PTK2: variants seen among roughly 807,000 people sequenced by gnomAD.
The protein encoded by PTK2 is focal adhesion kinase 1.
PTK2 carries 45 observed loss-of-function variants against 150.1 expected under a neutral mutation model. The ratio of observed to expected loss-of-function variants is 0.30; its 90% CI spans 0.24 to 0.38. PTK2 has a LOEUF of 0.38. PTK2 is among the 10% of genes least tolerant of loss of function. The pLI, the probability that PTK2 is intolerant of heterozygous loss-of-function variation, is 1.00. For missense variants in PTK2, 919 were observed against 1,307.3 expected, an observed-to-expected ratio of 0.70 and a Z score of 4.58; for synonymous variants, 432 against 449.2, an observed-to-expected ratio of 0.96 and a Z score of 0.48.
intron 10 of PTK2, among the ~76,000 whole-genome samples, chr8:140,806,399 T>C (rs1296249650): frequency 2.6e-5 from 4 of 152,160 alleles, no homozygotes; most frequent in Non-Finnish European, 5.9e-5. Flanking sequence ...TGCACGTACG[T>C]AACAGAGGAT....
At chr8:140,760,785 T>A (rs1022935668) in intron 16 of PTK2, among the ~76,000 whole-genome samples, 4 of 152,216 alleles carry the variant, frequency 2.6e-5, no homozygotes, top group Non-Finnish European at 5.9e-5. Context: ...AATTTATTCA[T>A]CTTTTTTGGA....
At chr8:140,752,717 T>C (rs2100063498) in intron 16 of PTK2, among the ~76,000 whole-genome samples, 1 of 152,204 alleles carries the variant, frequency 6.6e-6, no homozygotes, top group African/African-American at 2.4e-5. Context: ...GTAACCGTGT[T>C]ACAGAAAAGG....
At chr8:140,824,669 A>G (rs2100110813) in intron 8 of PTK2, among the ~76,000 whole-genome samples, 1 of 152,226 alleles carries the variant, frequency 6.6e-6, no homozygotes, top group South Asian at 2.1e-4. Context: ...TATCTTAGAA[A>G]GCATTAGTTC....
At chr8:140,732,561 A>C (rs774762345) in intron 22 of PTK2, 1 of 529,864 alleles carries the variant, frequency 1.9e-6, no homozygotes, top group Non-Finnish European at 3.9e-6. Flanking sequence ...TTTGGGCAAC[A>C]CCGAGGTGAG....
At chr8:140,829,153 G>A (rs1020456661) in intron 8 of PTK2, among the ~76,000 whole-genome samples, 1 of 152,192 alleles carries the variant, frequency 6.6e-6, no homozygotes, top group Admixed American at 6.5e-5. Flanking sequence ...GAAATAAAGA[G>A]TATATTTTTC....
chr8:140,810,808 GCA>G (rs2100101073), intron 10 of PTK2, among the ~76,000 whole-genome samples: 1 of 152,136 alleles, frequency 6.6e-6, no homozygotes, highest in South Asian at 2.1e-4. Context: ...GTGAAAGCAG[GCA>G]CAGAGAATAG....
intron 1 of PTK2, among the ~76,000 whole-genome samples, chr8:140,929,716 C>G (rs1396902813): frequency 6.6e-6 from 1 of 151,898 alleles, no homozygotes; most frequent in Admixed American, 6.6e-5. Context: ...TATCCTAAAA[C>G]TTAAACTCTG....
intron 14 of PTK2, among the ~76,000 whole-genome samples, chr8:140,776,024 G>GA: frequency 6.6e-6 from 1 of 152,224 alleles, no homozygotes; most frequent in South Asian, 2.1e-4. Flanking sequence ...TATTCTCATT[G>GA]AGAGAGTCTT....
intron 26 of PTK2, among the ~76,000 whole-genome samples, chr8:140,698,152 G>A (rs1220250618): frequency 6.6e-6 from 1 of 152,122 alleles, no homozygotes; most frequent in Non-Finnish European, 1.5e-5. Flanking sequence ...GTGACACACA[G>A]GGTCCTCTTC....
At chr8:140,959,369 A>G (rs2100182291) in intron 1 of PTK2, among the ~76,000 whole-genome samples, 1 of 151,064 alleles carries the variant, frequency 6.6e-6, no homozygotes, top group African/African-American at 2.4e-5. Flanking sequence ...TCTCTACTAA[A>G]AATACAAAAA....
exon 6 of PTK2, chr8:140,846,609 G>C (rs369459709): frequency 1.2e-6 from 2 of 1,607,784 alleles, no homozygotes; most frequent in Non-Finnish European, 1.7e-6. Context: ...CGTATTTCTA[G>C]ACAACCCAAC....
rs535169221 is a variant in PTK2, at chr8:140,713,482, C to T, written c.2142+4116G>A. Among the ~76,000 whole-genome samples, 17 of 152,230 alleles carry T rather than the reference C, an allele frequency of 1.1e-4. No individual in the cohort carries two copies. In the South Asian group the frequency reaches 2.9e-3, roughly 26 times the overall value. The stretch of plus-strand genomic sequence containing the variant: ...TTTGCCATGTTGGCCAGGCTGGTCT[C>T]GAACTCCTGGCCTCAAGTGATCCAC... On this transcript the variant is annotated intron_variant, in intron 23 of 31. Transcript: ENST00000522684.
At chr8:140,957,529 T>C (rs1362484114) in intron 1 of PTK2, among the ~76,000 whole-genome samples, 1 of 152,210 alleles carries the variant, frequency 6.6e-6, no homozygotes, top group African/African-American at 2.4e-5. Flanking sequence ...GTGTACAGTA[T>C]TTATAAAATC....
chr8:140,975,579 T>G lies in PTK2; in HGVS notation c.-122+25546A>C, dbSNP rs75020983. ...ATGGTTCCTGGACTAAGAATGATTTTTACATTATTAAAGCGTTGAGGAGAG... is the reference window on the plus strand; with the variant it reads ...ATGGTTCCTGGACTAAGAATGATTTGTACATTATTAAAGCGTTGAGGAGAG... On this transcript the variant is annotated intron_variant, in intron 1 of 31. Coordinates refer to ENST00000522684, the Ensembl canonical transcript of PTK2. 3.4e-3 allele frequency among the ~76,000 whole-genome samples: 521 copies of G among 152,208 alleles called. 14 individuals are homozygous for G. In the East Asian group the frequency reaches 0.066, roughly 19 times the overall value.
At chr8:140,790,135 G>A (rs1304369344) in intron 13 of PTK2, among the ~76,000 whole-genome samples, 1 of 151,984 alleles carries the variant, frequency 6.6e-6, no homozygotes, top group African/African-American at 2.4e-5. Flanking sequence ...TTAAAAAATT[G>A]GTAAAAAACT....
Position 140,960,524 on chromosome 8 carries a change from A to C in PTK2, c.-121-34775T>G, listed in dbSNP as rs540088239. ...CGGCTGGCCCATTTTAACCCTTAAA[A>C]AAAGAATAAGTAATCAAGGCAAGAT... is the stretch of plus-strand genomic sequence containing the variant. On this transcript the variant is annotated intron_variant, in intron 1 of 31. Coordinates refer to ENST00000522684, the Ensembl canonical transcript of PTK2. 2.0e-3 allele frequency among the ~76,000 whole-genome samples: 311 copies of C among 152,252 alleles called. 1 individual carries two copies. Among genetic ancestry groups the C allele is most frequent in the South Asian group, 9.8e-3 (47 of 4,818 alleles).
At chr8:140,921,235 G>T in intron 2 of PTK2, 4 of 639,588 alleles carry the variant, frequency 6.3e-6, no homozygotes, top group Non-Finnish European at 8.2e-6. Flanking sequence ...ATTCAGGGAA[G>T]GAGAAAGAGG....
chr8:140,838,432 C>T (rs1454931520), intron 7 of PTK2, among the ~76,000 whole-genome samples: 1 of 152,208 alleles, frequency 6.6e-6, no homozygotes, highest in Non-Finnish European at 1.5e-5. Context: ...TCAGCCAGGC[C>T]ACTCCTAAAG....
At chr8:140,906,169 C>T (rs1568587370) in intron 2 of PTK2, among the ~76,000 whole-genome samples, 1 of 152,168 alleles carries the variant, frequency 6.6e-6, no homozygotes, top group Non-Finnish European at 1.5e-5. Flanking sequence ...CAATGAGATA[C>T]CATCTCACCT....
Sources: gnomAD v4.1 joint callset for allele counts (sites outside exome capture counted in the v4.1 genomes callset) on GRCh38, gnomAD v4.1.1 for gene constraint, MANE v1.5 for transcripts, NCBI Gene and HGNC (gene_info 2026-07-23, HGNC 2026-07-21) for gene names.